The following AFG2B variants were observed in gnomAD, a reference collection of about 807,000 sequenced individuals.
The protein encoded by AFG2B is AAA ATPase AFG2B.
the AFG2B span, chr15:45,405,449 G>A: frequency 1.1e-5 from 18 of 1,613,910 alleles, no homozygotes; most frequent in South Asian, 2.2e-5. Flanking sequence ...TGTTGGTGCC[G>A]ACCTGACAGC....
the AFG2B span, among the ~76,000 whole-genome samples, chr15:45,408,760 C>T: frequency 6.6e-6 from 1 of 152,206 alleles, no homozygotes; most frequent in Non-Finnish European, 1.5e-5. Flanking sequence ...TGGCTTACAC[C>T]TGTAGTCCCA....
the AFG2B span, chr15:45,417,775 G>A: frequency 9.3e-3 from 1,500 of 160,490 alleles, 22 homozygotes; most frequent in African/African-American, 0.034. Context: ...TGGTCAACCA[G>A]TAAATTTGTT....
the AFG2B span, chr15:45,414,509 C>T: frequency 6.8e-7 from 1 of 1,472,708 alleles, no homozygotes; most frequent in East Asian, 2.3e-5. Context: ...AATGAATTTA[C>T]TGGATGATAT....
At chr15:45,421,130 C>T in the AFG2B span, 1 of 1,613,156 alleles carries the variant, frequency 6.2e-7, no homozygotes, top group Non-Finnish European at 8.5e-7. Flanking sequence ...GACTGTAAAA[C>T]CGTCGTTAAG....
the AFG2B span, among the ~76,000 whole-genome samples, chr15:45,411,677 C>T: frequency 2.0e-5 from 3 of 152,108 alleles, no homozygotes; most frequent in Non-Finnish European, 4.4e-5. Flanking sequence ...CCTAGCTACT[C>T]AGGAGGATCA....
the AFG2B span, chr15:45,420,960 C>G: frequency 1.5e-5 from 22 of 1,444,386 alleles, 1 homozygote; most frequent in South Asian, 2.7e-4. Flanking sequence ...CCACTGCACT[C>G]CAGCCTGGGC....
chr15:45,407,644 T>A, the AFG2B span, among the ~76,000 whole-genome samples: 1 of 152,186 alleles, frequency 6.6e-6, no homozygotes, highest in African/African-American at 2.4e-5. Context: ...AGATGACAAT[T>A]GTTAACACTT....
At chr15:45,410,629 A>G in the AFG2B span, 6 of 1,126,352 alleles carry the variant, frequency 5.3e-6, no homozygotes, top group Admixed American at 2.9e-5. Flanking sequence ...TCTTGCTCCT[A>G]TCACTAATGT....
At chr15:45,421,344 A>T in the AFG2B span, 1 of 589,574 alleles carries the variant, frequency 1.7e-6, no homozygotes, top group Non-Finnish European at 2.7e-6. Context: ...AAACAAAAAA[A>T]ACTTGTGCCT....
chr15:45,412,899 C>T, the AFG2B span, among the ~76,000 whole-genome samples: 6 of 152,174 alleles, frequency 3.9e-5, no homozygotes, highest in African/African-American at 1.4e-4. Context: ...ACATGTGATC[C>T]TGCCCTAATG....
chr15:45,406,076 C>G, the AFG2B span, among the ~76,000 whole-genome samples: 1 of 152,122 alleles, frequency 6.6e-6, no homozygotes, highest in East Asian at 1.9e-4. Flanking sequence ...GTATGATGAT[C>G]AAGCTGAGAA....
the AFG2B span, chr15:45,407,117 G>T: frequency 4.7e-6 from 6 of 1,288,964 alleles, no homozygotes; most frequent in Admixed American, 1.4e-4. Context: ...CTTCAGGAGG[G>T]GCCTGCTCAG....
the AFG2B span, chr15:45,407,312 C>T: frequency 2.0e-6 from 2 of 1,024,940 alleles, no homozygotes; most frequent in South Asian, 1.9e-5. Flanking sequence ...GGATACCTTA[C>T]ACTTTGTTAA....
chr15:45,402,576 C>T, the AFG2B span: 1 of 1,576,314 alleles, frequency 6.3e-7, no homozygotes, highest in Non-Finnish European at 8.6e-7. Flanking sequence ...CAGTGAAGAT[C>T]TCGCTACCCG....
At chr15:45,415,615 C>G in the AFG2B span, 36 of 1,613,800 alleles carry the variant, frequency 2.2e-5, no homozygotes, top group African/African-American at 4.0e-5. Flanking sequence ...GCAAGCACTC[C>G]AGCAATTTTG....
the AFG2B span, among the ~76,000 whole-genome samples, chr15:45,416,633 C>G: frequency 6.6e-6 from 1 of 152,188 alleles, no homozygotes; most frequent in Non-Finnish European, 1.5e-5. Context: ...CAGGTATTCA[C>G]CCAGCATCTG....
At chr15:45,416,000 ATTATC>A in the AFG2B span, 1 of 366,940 alleles carries the variant, frequency 2.7e-6, no homozygotes. Context: ...TTTATAATAA[ATTATC>A]TTAAATATAA....
At chr15:45,403,149 G>C in the AFG2B span, 10 of 1,457,494 alleles carry the variant, frequency 6.9e-6, no homozygotes, top group African/African-American at 1.0e-4. Flanking sequence ...TGCTCCTGGC[G>C]GGGCCCCCCG....
chr15:45,411,317 A>T, the AFG2B span, among the ~76,000 whole-genome samples: 2 of 152,244 alleles, frequency 1.3e-5, no homozygotes, highest in South Asian at 4.1e-4. Context: ...CCCCATCTCT[A>T]TTTAAAAAAA....
Sources: allele counts gnomAD v4.1 joint callset (sites outside exome capture counted in the v4.1 genomes callset), GRCh38; gene constraint gnomAD v4.1.1; transcripts MANE v1.5; gene names NCBI Gene and HGNC (gene_info 2026-07-23, HGNC 2026-07-21).